The following RAD54B variants were observed in gnomAD, a reference collection of about 807,000 sequenced individuals.
The protein encoded by RAD54B is RAD54 homolog B.
Under a neutral mutation model 95.8 loss-of-function variants are expected in RAD54B, and 78 were observed. That is an observed-to-expected ratio of 0.81 (90% CI 0.68 to 0.98). The LOEUF is 0.98. Among genes scored for constraint, RAD54B ranks in the 50% least tolerant of loss-of-function variants. The pLI is 0.00. For synonymous variants in RAD54B, 328 were observed against 354.9 expected (o/e 0.92, Z 0.85); for missense variants, 957 against 1,056.6 (o/e 0.91, Z 1.31).
At chr8:94,458,898 T>C (rs1391600200) in intron 2 of RAD54B, among the ~76,000 whole-genome samples, 1 of 152,122 alleles carries the variant, frequency 6.6e-6, no homozygotes, top group Non-Finnish European at 1.5e-5. Flanking sequence ...AATTAAAATC[T>C]AATTTTTATT....
chr8:94,390,785 A>G (rs1810999862), intron 10 of RAD54B, among the ~76,000 whole-genome samples: 1 of 151,888 alleles, frequency 6.6e-6, no homozygotes, highest in Non-Finnish European at 1.5e-5. Context: ...AGTGGTTCAG[A>G]TTTCAGATTT....
intron 10 of RAD54B, 153 bp from the exon 11 acceptor site, chr8:94,387,312 G>T: frequency 1.7e-6 from 1 of 603,172 alleles, no homozygotes; most frequent in Non-Finnish European, 2.7e-6. Flanking sequence ...GTCATGATTT[G>T]ATCATTTTTT....
At position 94,391,790 on chromosome 8, in the gene RAD54B, A is replaced by G. The variant is rs2129986038; in HGVS notation, c.1628T>C (p.Ile543Thr). Residue 543 changes from isoleucine (I) to threonine (T), a missense_variant, in exon 10 of 15, where the codon ATA (isoleucine) becomes ACA (threonine). Transcript: ENST00000336148. ...TGGTCGGCAAAAGACAACATTCTCTATTTTAGGTGGGAGATATTTATTTAT... is the reference window on the plus strand; with the variant it reads ...TGGTCGGCAAAAGACAACATTCTCTGTTTTAGGTGGGAGATATTTATTTAT... The part of the protein sequence containing the change: ...EIINKYLPPK[I>T]ENVVFCRPGA... The G allele has an allele frequency of 5.6e-6, 9 of 1,614,070 alleles. No homozygotes were observed. Among genetic ancestry groups the G allele is most frequent in the South Asian group, 3.3e-5 (3 of 91,066 alleles).
At chr8:94,407,827 A>G in intron 4 of RAD54B, 107 bp from the exon 5 acceptor site, 1 of 803,634 alleles carries the variant, frequency 1.2e-6, no homozygotes, top group Non-Finnish European at 1.9e-6. Context: ...GTCTTATATA[A>G]TGCATTAGCC....
At position 94,407,556 on chromosome 8, in the gene RAD54B, GAGA is replaced by G; in HGVS notation, c.661_663del (p.Ser221del). On this transcript the variant is annotated inframe_deletion, in exon 5 of 15. Coordinates refer to ENST00000336148, the MANE Select transcript of RAD54B (RefSeq NM_012415.3). ...TTAGAGAAACATTTCCTGGCAACCT[GAGA>G]AGAATGCGAGATAGCAGTACTTCCT... 6.2e-7 allele frequency: 1 copy of G among 1,614,012 alleles called. No individual in the cohort carries two copies. Among genetic ancestry groups the G allele is most frequent in the Non-Finnish European group, 8.5e-7 (1 of 1,179,944 alleles).
intron 11 of RAD54B, among the ~76,000 whole-genome samples, chr8:94,383,581 GTTA>G (rs1391481435): frequency 6.6e-6 from 1 of 152,068 alleles, no homozygotes; most frequent in Non-Finnish European, 1.5e-5. Flanking sequence ...TCTATTATTA[GTTA>G]TTGTTGTTAA....
At chr8:94,439,903 G>A (rs1812360104) in intron 3 of RAD54B, among the ~76,000 whole-genome samples, 1 of 152,178 alleles carries the variant, frequency 6.6e-6, no homozygotes, top group African/African-American at 2.4e-5. Context: ...CTAAAAGAGT[G>A]CCTGGCTCTT....
intron 3 of RAD54B, chr8:94,436,608 T>C: frequency 6.4e-7 from 1 of 1,550,572 alleles, no homozygotes; most frequent in Middle Eastern, 1.7e-4. Context: ...ATTGGGTCTC[T>C]TTTTGCTGCA....
chr8:94,451,136 T>C lies in RAD54B; in HGVS notation c.304+7132A>G, dbSNP rs117685022. Among the ~76,000 whole-genome samples the C allele has an allele frequency of 7.4e-3, 1,121 of 152,256 alleles. 3 individuals carry two copies. The highest frequency in any genetic ancestry group is 0.012 in the South Asian group (59 of 4,820). On this transcript the variant is annotated intron_variant, in intron 3 of 14. Coordinates refer to ENST00000336148, the MANE Select transcript of RAD54B (RefSeq NM_012415.3). ...TAGTGGTCAGTTCCTGGTTTTTAAA[T>C]ACACTTCTCCACCAAAAAAGAACTA...
intron 3 of RAD54B, among the ~76,000 whole-genome samples, chr8:94,422,653 T>TATATATATATATA (rs1252343000): frequency 1.2e-5 from 1 of 86,234 alleles, no homozygotes; most frequent in Non-Finnish European, 2.3e-5. Context: ...TATATATATA[T>TATATATATATATA]AAAATTATCA....
Position 94,378,244 on chromosome 8 carries a change from T to G in RAD54B, c.2451A>C (p.Glu817Asp). Reference protein sequence around the residue: ...EELKNLFTLHESSDCVTHDLL... With the variant: ...EELKNLFTLHDSSDCVTHDLL... ...GATCATGAGTAACACAATCTGAACT[T>G]TCATGTAATGTGAACAAATTTTTAA... The change falls in exon 14 of 15, where the codon GAA becomes GAC. Residue 817 changes from glutamate to aspartate, a missense_variant. Glu to Asp is a conservative substitution (Grantham distance 45, BLOSUM62 2). Coordinates refer to ENST00000336148, the MANE Select transcript of RAD54B (RefSeq NM_012415.3). 1 of 1,613,366 alleles carries G rather than the reference T, an allele frequency of 6.2e-7. No homozygotes were observed. Among genetic ancestry groups the G allele is most frequent in the South Asian group, 1.1e-5 (1 of 90,936 alleles).
At position 94,407,443 on chromosome 8, in the gene RAD54B, C is replaced by T. The variant is rs143567963; in HGVS notation, c.777G>A (p.Thr259=). The T allele has an allele frequency of 5.9e-5, 95 of 1,599,348 alleles. No homozygotes were observed. The highest frequency in any genetic ancestry group is 7.7e-5 in the Non-Finnish European group (90 of 1,170,194). Residue 259 remains threonine, a synonymous_variant, in exon 5 of 15, where the codon ACG becomes ACA. Transcript: ENST00000336148. ...AAATTATTTTTAAAATCTTACTTGGCGTATATGGGTCATGGCGTGGTTTGC... is the reference window on the plus strand; with the variant it reads ...AAATTATTTTTAAAATCTTACTTGGTGTATATGGGTCATGGCGTGGTTTGC... ...QNCKPRHDPY[T]PNSLVMPRPD... is the part of the protein sequence containing the mutation.
At chr8:94,427,990 T>G in intron 3 of RAD54B, 1 of 928,092 alleles carries the variant, frequency 1.1e-6, no homozygotes, top group Non-Finnish European at 1.3e-6. Context: ...AGAAAAATAC[T>G]TGACTATTTT....
At chr8:94,375,386 C>T (rs946500973) in intron 14 of RAD54B, among the ~76,000 whole-genome samples, 2 of 152,058 alleles carry the variant, frequency 1.3e-5, no homozygotes, top group African/African-American at 4.8e-5. Flanking sequence ...CTGTGCTGTT[C>T]TTGTGATAAT....
In RAD54B at chr8:94,380,176, T is replaced by C; in HGVS notation, c.2216A>G (p.Asp739Gly). ...GTCAGTGGCTGGATTCCAATCAATG[T>C]CATAGAGAATTAAGTGAGATCCTCC... The part of the protein sequence containing the change: ...LIGGSHLILY[D>G]IDWNPATDIQ... The change falls in exon 12 of 15, where the codon GAC (aspartate) becomes GGC (glycine). Residue 739 changes from aspartate (D) to glycine (G), a missense_variant. Coordinates refer to ENST00000336148, the MANE Select transcript of RAD54B (RefSeq NM_012415.3). 1 of 1,612,578 alleles carries C rather than the reference T, an allele frequency of 6.2e-7. No individual in the cohort carries two copies. Among genetic ancestry groups the C allele is most frequent in the Non-Finnish European group, 8.5e-7 (1 of 1,179,082 alleles).
chr8:94,451,357 A>G (rs1381975244), intron 3 of RAD54B, among the ~76,000 whole-genome samples: 2 of 152,260 alleles, frequency 1.3e-5, no homozygotes, highest in Admixed American at 6.5e-5. Flanking sequence ...TAAAACAGAC[A>G]TTTATGAATC....
chr8:94,468,653 A>G (rs907108411), intron 1 of RAD54B, among the ~76,000 whole-genome samples: 3 of 151,806 alleles, frequency 2.0e-5, no homozygotes, highest in African/African-American at 7.3e-5. Flanking sequence ...GTGAAACCAC[A>G]TCTCTACTAA....
chr8:94,402,229 A>G (rs912453380), intron 6 of RAD54B, among the ~76,000 whole-genome samples: 1 of 151,820 alleles, frequency 6.6e-6, no homozygotes, highest in Non-Finnish European at 1.5e-5. Flanking sequence ...CTGTGAAACC[A>G]AAAGTTTAAT....
At chr8:94,396,234 T>C (rs1811140803) in intron 8 of RAD54B, among the ~76,000 whole-genome samples, 1 of 151,140 alleles carries the variant, frequency 6.6e-6, no homozygotes, top group East Asian at 1.9e-4. Flanking sequence ...GCTCTAATTC[T>C]AGACTAGGTA....
Sources: allele counts gnomAD v4.1 joint callset (sites outside exome capture counted in the v4.1 genomes callset), GRCh38; gene constraint gnomAD v4.1.1; transcripts MANE v1.5; gene names NCBI Gene and HGNC (gene_info 2026-07-23, HGNC 2026-07-21).